Variants in SLC10A7 observed in about 807,000 individuals in gnomAD.
The protein encoded by SLC10A7 is solute carrier family 10 member 7.
A neutral mutation model predicts 43.2 loss-of-function variants in SLC10A7; 29 were observed. The ratio of observed to expected loss-of-function variants is 0.67; its 90% CI spans 0.50 to 0.92. The LOEUF (loss-of-function observed/expected upper bound fraction) is 0.92. SLC10A7 is among the 40% of genes least tolerant of loss of function. The probability of loss-of-function intolerance (pLI) is 0.00; values close to 1 mark genes in which losing one functional copy is unlikely to be tolerated. For synonymous variants in SLC10A7, 152 were observed against 144.8 expected, an observed-to-expected ratio of 1.05 and a Z score of -0.35; for missense variants, 295 against 403.2, an observed-to-expected ratio of 0.73 and a Z score of 2.30.
At chr4:146,316,707 T>C (rs1182864999) in intron 6 of SLC10A7, among the ~76,000 whole-genome samples, 2 of 152,078 alleles carry the variant, frequency 1.3e-5, no homozygotes, top group African/African-American at 2.4e-5. Flanking sequence ...ATGGTAAACA[T>C]TGGACTCAAT....
chr4:146,435,603 A>G (rs1730146025), intron 5 of SLC10A7, among the ~76,000 whole-genome samples: 1 of 152,164 alleles, frequency 6.6e-6, no homozygotes, highest in African/African-American at 2.4e-5. Flanking sequence ...GAACCCCAAA[A>G]TATTAGCTCA....
intron 7 of SLC10A7, among the ~76,000 whole-genome samples, chr4:146,298,394 C>G (rs1325289848): frequency 1.3e-5 from 2 of 152,086 alleles, no homozygotes; most frequent in Admixed American, 6.6e-5. Context: ...GTGTAAAACT[C>G]TACTAGTATT....
At chr4:146,434,512 T>C (rs1730047400) in intron 5 of SLC10A7, among the ~76,000 whole-genome samples, 2 of 152,178 alleles carry the variant, frequency 1.3e-5, no homozygotes, top group African/African-American at 4.8e-5. Context: ...GTAGCAGTTT[T>C]AAAAAGCAAT....
At chr4:146,445,284 ATGGGACTCGCGAAGGGGT>A (rs1730946968) in intron 4 of SLC10A7, among the ~76,000 whole-genome samples, 1 of 152,044 alleles carries the variant, frequency 6.6e-6, no homozygotes, top group South Asian at 2.1e-4. Flanking sequence ...TTGATCCCTT[ATGGGACTCGCGAAGGGGT>A]TGGCTCATTT....
chr4:146,400,142 A>G (rs1240181480), intron 5 of SLC10A7, among the ~76,000 whole-genome samples: 3 of 152,168 alleles, frequency 2.0e-5, no homozygotes, highest in Admixed American at 2.0e-4. Flanking sequence ...AAATGAAAAG[A>G]GAAACATGTT....
At chr4:146,362,587 A>G (rs1447572469) in intron 5 of SLC10A7, among the ~76,000 whole-genome samples, 2 of 152,156 alleles carry the variant, frequency 1.3e-5, no homozygotes, top group Non-Finnish European at 2.9e-5. Flanking sequence ...AACCACTCAT[A>G]TCTTCAGTAG....
chr4:146,441,215 T>C (rs1730571564), intron 5 of SLC10A7, among the ~76,000 whole-genome samples: 1 of 152,130 alleles, frequency 6.6e-6, no homozygotes, highest in Non-Finnish European at 1.5e-5. Flanking sequence ...GAAGTGAGAA[T>C]ACACAGCTTC....
intron 7 of SLC10A7, among the ~76,000 whole-genome samples, chr4:146,303,791 T>C (rs1402606015): frequency 6.6e-6 from 1 of 152,218 alleles, no homozygotes; most frequent in African/African-American, 2.4e-5. Context: ...CACTTACCTG[T>C]GTTAGGTTCT....
At chr4:146,448,053 A>G (rs955566883) in intron 4 of SLC10A7, among the ~76,000 whole-genome samples, 3 of 151,934 alleles carry the variant, frequency 2.0e-5, no homozygotes, top group Admixed American at 6.6e-5. Context: ...AACATCACAC[A>G]TCAGGGACTG....
At chr4:146,454,799 C>T (rs940430921) in intron 4 of SLC10A7, among the ~76,000 whole-genome samples, 1 of 151,796 alleles carries the variant, frequency 6.6e-6, no homozygotes, top group African/African-American at 2.4e-5. Context: ...ACTTAGTCTT[C>T]TTTGCTATGC....
intron 10 of SLC10A7, among the ~76,000 whole-genome samples, chr4:146,263,579 A>G (rs1251723190): frequency 6.6e-6 from 1 of 152,252 alleles, no homozygotes; most frequent in African/African-American, 2.4e-5. Context: ...TCATCTTGCT[A>G]TCACTGCGGT....
intron 4 of SLC10A7, among the ~76,000 whole-genome samples, chr4:146,499,440 C>A (rs1039060832): frequency 1.3e-5 from 2 of 152,152 alleles, no homozygotes; most frequent in South Asian, 2.1e-4. Flanking sequence ...AGATTACATT[C>A]TTTCCAATAT....
At chr4:146,270,721 T>A (rs1728840282) in intron 10 of SLC10A7, among the ~76,000 whole-genome samples, 1 of 152,182 alleles carries the variant, frequency 6.6e-6, no homozygotes, top group South Asian at 2.1e-4. Flanking sequence ...AGCTCTGCTA[T>A]CTATGTGAAC....
At chr4:146,400,418 C>T (rs946029886) in intron 5 of SLC10A7, among the ~76,000 whole-genome samples, 14 of 152,054 alleles carry the variant, frequency 9.2e-5, no homozygotes, top group African/African-American at 2.2e-4. Flanking sequence ...AAGGGGTACT[C>T]GGGCGGTGTT....
intron 5 of SLC10A7, among the ~76,000 whole-genome samples, chr4:146,329,303 G>A (rs1223377361): frequency 1.3e-5 from 2 of 152,168 alleles, no homozygotes; most frequent in Admixed American, 6.5e-5. Flanking sequence ...AGTCAGCCAG[G>A]AGGCATTCAC....
intron 4 of SLC10A7, among the ~76,000 whole-genome samples, chr4:146,461,128 T>C (rs1732491972): frequency 6.6e-6 from 1 of 151,986 alleles, no homozygotes; most frequent in South Asian, 2.1e-4. Context: ...TTACCTAACA[T>C]TCAAAAAAGA....
At chr4:146,308,939 G>T (rs1013456341) in intron 6 of SLC10A7, among the ~76,000 whole-genome samples, 5 of 152,138 alleles carry the variant, frequency 3.3e-5, no homozygotes, top group Admixed American at 3.3e-4. Flanking sequence ...AGTGCTTCCT[G>T]TGAGCTAGGG....
At chr4:146,433,687 G>A (rs951489421) in intron 5 of SLC10A7, among the ~76,000 whole-genome samples, 1 of 151,944 alleles carries the variant, frequency 6.6e-6, no homozygotes, top group African/African-American at 2.4e-5. Flanking sequence ...GCAACATAGC[G>A]AGATCCCATC....
chr4:146,295,560 A>G (rs1366869408), intron 7 of SLC10A7, among the ~76,000 whole-genome samples: 9 of 152,160 alleles, frequency 5.9e-5, no homozygotes, highest in Non-Finnish European at 1.5e-5. Flanking sequence ...AGCATTATGT[A>G]CTGACATATT....
Sources: gnomAD v4.1 joint callset for allele counts (sites outside exome capture counted in the v4.1 genomes callset) on GRCh38, gnomAD v4.1.1 for gene constraint, MANE v1.5 for transcripts, NCBI Gene and HGNC (gene_info 2026-07-23, HGNC 2026-07-21) for gene names.